CHRM3: variants seen among roughly 807,000 people sequenced by gnomAD.
CHRM3 encodes cholinergic receptor muscarinic 3, also known as muscarinic acetylcholine receptor M3.
CHRM3 carries 11 observed loss-of-function variants against 41.8 expected under a neutral mutation model. That is an observed-to-expected ratio of 0.26 (90% confidence interval 0.17 to 0.44). The LOEUF (loss-of-function observed/expected upper bound fraction) is 0.44, where lower values mean the gene tolerates loss of function less well. Among genes scored for constraint, CHRM3 ranks in the 20% least tolerant of loss-of-function variants. The probability of loss-of-function intolerance (pLI) is 1.00; values close to 1 mark genes in which losing one functional copy is unlikely to be tolerated. For synonymous variants in CHRM3, 297 were observed against 301.4 expected (o/e 0.99, Z 0.15); for missense variants, 571 against 745.4 (o/e 0.77, Z 2.72).
intron 2 of CHRM3, among the ~76,000 whole-genome samples, chr1:239,540,886 C>T (rs976244877): frequency 6.6e-6 from 1 of 152,020 alleles, no homozygotes; most frequent in East Asian, 1.9e-4. Context: ...GTGTTAATAA[C>T]AGTAGTAACA....
At chr1:239,489,721 G>A (rs893922275) in intron 1 of CHRM3, among the ~76,000 whole-genome samples, 1 of 152,122 alleles carries the variant, frequency 6.6e-6, no homozygotes, top group African/African-American at 2.4e-5. Context: ...TTGCAATTAG[G>A]CCATTTACTT....
intron 1 of CHRM3, among the ~76,000 whole-genome samples, chr1:239,441,374 T>C (rs1663703040): frequency 6.6e-6 from 1 of 152,238 alleles, no homozygotes; most frequent in Admixed American, 6.5e-5. Flanking sequence ...TTCATCAGTA[T>C]CTACTAAGAT....
chr1:239,908,355 C>T lies in CHRM3; in HGVS notation c.904C>T (p.Arg302Cys), dbSNP rs200967479. 2.4e-5 allele frequency: 38 copies of T among 1,613,946 alleles called. No individual in the cohort carries two copies. Among genetic ancestry groups the T allele is most frequent in the East Asian group, 1.1e-4 (5 of 44,854 alleles). Residue 302 changes from arginine to cysteine, a missense_variant, in exon 7 of 7, where the codon CGC (arginine) becomes TGC (cysteine). Coordinates refer to ENST00000676153, the MANE Select transcript of CHRM3 (RefSeq NM_001375978.1). This position sits in a 1 kb window ranked among gnomAD's most constrained non-coding sequence, Gnocchi z 7.2. ...CGAACTTCAACAGCAAAGCATGAAA[C>T]GCTCCAACAGGAGGAAGTATGGCCG... ...SYELQQQSMK[R>C]SNRRKYGRCH... is the part of the protein sequence containing the mutation.
At chr1:239,902,527 A>G (rs1329775057) in intron 6 of CHRM3, among the ~76,000 whole-genome samples, 4 of 152,210 alleles carry the variant, frequency 2.6e-5, no homozygotes, top group Non-Finnish European at 5.9e-5. Context: ...GTATCTCATC[A>G]CATCAGAACC....
chr1:239,408,940 T>G (rs560263545), intron 1 of CHRM3, among the ~76,000 whole-genome samples: 1 of 152,268 alleles, frequency 6.6e-6, no homozygotes, highest in East Asian at 1.9e-4. Context: ...GCTCTTGATG[T>G]GCCACAAGAC....
chr1:239,730,415 C>T (rs946329427), intron 5 of CHRM3: 2 of 151,898 alleles, frequency 1.3e-5, no homozygotes, highest in Admixed American at 6.6e-5. Flanking sequence ...CATGTGATGT[C>T]GTGGAGGTCT....
At chr1:239,593,614 A>T (rs934793030) in intron 3 of CHRM3, among the ~76,000 whole-genome samples, 1 of 152,182 alleles carries the variant, frequency 6.6e-6, no homozygotes, top group African/African-American at 2.4e-5. Flanking sequence ...TAGAACTAAG[A>T]GTAGTTCAAT....
At chr1:239,790,414 T>G (rs755582147) in intron 5 of CHRM3, among the ~76,000 whole-genome samples, 4 of 152,120 alleles carry the variant, frequency 2.6e-5, no homozygotes, top group African/African-American at 7.2e-5. Context: ...CCCAAACTGT[T>G]TTCATGGTAG....
intron 2 of CHRM3, among the ~76,000 whole-genome samples, chr1:239,526,868 T>G (rs996870656): frequency 1.3e-5 from 2 of 152,128 alleles, no homozygotes; most frequent in Non-Finnish European, 2.9e-5. Flanking sequence ...ACCCCTGTAA[T>G]CTGAACATTT....
At chr1:239,661,654 G>C (rs1373020821) in intron 4 of CHRM3, among the ~76,000 whole-genome samples, 1 of 152,206 alleles carries the variant, frequency 6.6e-6, no homozygotes, top group Non-Finnish European at 1.5e-5. Flanking sequence ...CCAAGAGTTA[G>C]CGTAGAGGGA....
chr1:239,715,212 A>G (rs990251594), intron 5 of CHRM3, among the ~76,000 whole-genome samples: 1 of 126,688 alleles, frequency 7.9e-6, no homozygotes, highest in Non-Finnish European at 1.8e-5. Context: ...TTAAAGGCAT[A>G]TTTAAATTGG....
intron 5 of CHRM3, among the ~76,000 whole-genome samples, chr1:239,747,657 C>T (rs989116988): frequency 6.6e-6 from 1 of 152,162 alleles, no homozygotes; most frequent in Non-Finnish European, 1.5e-5. Context: ...GAATGTGTGG[C>T]TTGCTCTGCA....
intron 3 of CHRM3, among the ~76,000 whole-genome samples, chr1:239,607,163 T>C (rs1379371800): frequency 2.0e-5 from 3 of 152,202 alleles, no homozygotes; most frequent in Admixed American, 6.5e-5. Flanking sequence ...TCATCTGTTG[T>C]GGGCATTCCC....
chr1:239,696,967 C>T (rs1252763183), intron 5 of CHRM3, among the ~76,000 whole-genome samples: 1 of 152,150 alleles, frequency 6.6e-6, no homozygotes, highest in Non-Finnish European at 1.5e-5. Context: ...ATCACCAAAG[C>T]TTATAACACA....
chr1:239,490,460 G>T (rs1053926912), intron 1 of CHRM3, among the ~76,000 whole-genome samples: 3 of 152,134 alleles, frequency 2.0e-5, no homozygotes, highest in Admixed American at 6.5e-5. Flanking sequence ...AGAAGTAGAG[G>T]CTTCTCAGAA....
At chr1:239,572,746 C>G (rs1216319782) in intron 3 of CHRM3, among the ~76,000 whole-genome samples, 2 of 152,100 alleles carry the variant, frequency 1.3e-5, no homozygotes, top group Non-Finnish European at 2.9e-5. Flanking sequence ...AATGTCAGCT[C>G]TTAATGGATG....
chr1:239,886,822 G>A (rs757985328), intron 6 of CHRM3, among the ~76,000 whole-genome samples: 3 of 152,078 alleles, frequency 2.0e-5, no homozygotes, highest in Non-Finnish European at 2.9e-5. Flanking sequence ...GAGCATTACC[G>A]GGTTTCTCTG....
chr1:239,469,747 T>C (rs1173003197), intron 1 of CHRM3, among the ~76,000 whole-genome samples: 1 of 151,874 alleles, frequency 6.6e-6, no homozygotes, highest in African/African-American at 2.4e-5. Flanking sequence ...AGTAGAGAGG[T>C]GGTTTCACCA....
intron 5 of CHRM3, among the ~76,000 whole-genome samples, chr1:239,789,971 A>G (rs1383827126): frequency 1.3e-5 from 2 of 151,946 alleles, no homozygotes; most frequent in Non-Finnish European, 2.9e-5. Flanking sequence ...AGATTTGACT[A>G]CCCCACTGGA....
Sources: gnomAD v4.1 joint callset for allele counts (sites outside exome capture counted in the v4.1 genomes callset) on GRCh38, gnomAD v4.1.1 for gene constraint, Gnocchi (gnomAD v3.1) non-coding constraint, MANE v1.5 for transcripts, NCBI Gene and HGNC (gene_info 2026-07-23, HGNC 2026-07-21) for gene names.